POU2F1: variants seen among roughly 807,000 people sequenced by gnomAD.
The protein encoded by POU2F1 is POU domain, class 2, transcription factor 1.
In POU2F1, 16 loss-of-function variants were observed where a neutral mutation model predicts 84.9. The observed-to-expected ratio is 0.19, with a 90% confidence interval of 0.13 to 0.29. The LOEUF (loss-of-function observed/expected upper bound fraction) is 0.29. Among genes scored for constraint, POU2F1 ranks in the 10% least tolerant of loss-of-function variants. The pLI is 1.00. For synonymous variants in POU2F1, 368 were observed against 368.3 expected, an observed-to-expected ratio of 1.00 and a Z score of 0.01; for missense variants, 738 against 942.6, an observed-to-expected ratio of 0.78 and a Z score of 2.84.
At chr1:167,260,008 A>G (rs1239879391) in intron 1 of POU2F1, among the ~76,000 whole-genome samples, 2 of 151,920 alleles carry the variant, frequency 1.3e-5, no homozygotes, top group Admixed American at 1.3e-4. Context: ...CCTCCCGAGT[A>G]GCTGGGACTA....
intron 2 of POU2F1, among the ~76,000 whole-genome samples, chr1:167,352,219 A>G (rs1658629906): frequency 6.6e-6 from 1 of 152,246 alleles, no homozygotes; most frequent in Admixed American, 6.5e-5. Flanking sequence ...TGCATTTCCT[A>G]TTTGAAGACG....
At position 167,425,541 on chromosome 1, in the gene POU2F1, A is replaced by G. The variant is rs1650902402; in HGVS notation, c.*9731A>G. The G allele has an allele frequency of 6.6e-6, 1 of 152,436 alleles. No individual in the cohort carries two copies. Among genetic ancestry groups the G allele is most frequent in the Non-Finnish European group, 1.5e-5 (1 of 68,258 alleles). 9.4% of individuals were successfully genotyped at this position (152,436 alleles called of 1,614,324 possible). Reference sequence around the variant, plus strand: ...ACAAATTGGCATTTCAGATTTTCCAAAACAAAAGTCAAAAAACCCCATCAC... The same window carrying G: ...ACAAATTGGCATTTCAGATTTTCCAGAACAAAAGTCAAAAAACCCCATCAC... On this transcript the variant is annotated 3_prime_UTR_variant, in exon 16 of 16. Transcript: ENST00000367866.
rs999124701 is a variant in POU2F1, at chr1:167,419,503, G to A, written c.*3693G>A. The A allele has an allele frequency of 1.3e-5, 2 of 152,176 alleles. No homozygotes were observed. The highest frequency in any genetic ancestry group is 2.9e-5 in the Non-Finnish European group (2 of 68,032). The allele number at this position is 152,176 out of a possible 1,614,324, so 9.4% of individuals were successfully genotyped here. On this transcript the variant is annotated 3_prime_UTR_variant, in exon 16 of 16. Transcript: ENST00000367866. The stretch of plus-strand genomic sequence containing the variant: ...GTGTGAATCCTGCTTATCACAAGTG[G>A]TGCAATTTGGTCATAAACTTTATTT...
At position 167,412,085 on chromosome 1, in the gene POU2F1, C is replaced by T; in HGVS notation, c.1682C>T (p.Ser561Phe). 1 of 1,614,216 alleles carries T rather than the reference C, an allele frequency of 6.2e-7. No homozygotes were observed. The highest frequency in any genetic ancestry group is 1.3e-5 in the African/African-American group (1 of 75,062). Residue 561 changes from serine (S) to phenylalanine (F), a missense_variant, in exon 14 of 16, where the codon TCC (serine) becomes TTC (phenylalanine). Physicochemically the swap from Ser to Phe is radical, Grantham distance 155. Coordinates refer to ENST00000367866, the MANE Select transcript of POU2F1 (RefSeq NM_002697.4). The stretch of plus-strand genomic sequence containing the variant: ...GCCTCAGCCTCCACCTCCGAGGCAT[C>T]CAGTGCCAGTGAGACCAGCACAACA... Reference protein sequence around the residue: ...PSASASTSEASSASETSTTQT... With the variant: ...PSASASTSEAFSASETSTTQT...
Position 167,398,093 on chromosome 1 carries a change from A to G in POU2F1, c.1229A>G (p.Glu410Gly). 1 of 1,614,134 alleles carries G rather than the reference A, an allele frequency of 6.2e-7. No homozygotes were observed. The highest frequency in any genetic ancestry group is 8.5e-7 in the Non-Finnish European group (1 of 1,179,996). The change falls in exon 11 of 16, where the codon GAG (glutamate) becomes GGG (glycine). Residue 410 changes from glutamate to glycine, a missense_variant. By Grantham distance (98) the Glu-to-Gly change is moderately conservative. Around this residue, in one of 4 missense-constraint regions of POU2F1, gnomAD observed 95 missense variants for 195.1 expected, o/e 0.49. Coordinates refer to ENST00000367866, the MANE Select transcript of POU2F1 (RefSeq NM_002697.4). ...AGGAGGAAGAAACGCACCAGCATAG[A>G]GACCAACATCCGTGTGGCCTTAGAG... ...SRRRKKRTSI[E>G]TNIRVALEKS... is the part of the protein sequence containing the mutation.
chr1:167,323,914 A>C (rs1656507640), intron 1 of POU2F1, among the ~76,000 whole-genome samples: 1 of 152,140 alleles, frequency 6.6e-6, no homozygotes, highest in Non-Finnish European at 1.5e-5. Flanking sequence ...GCTAATCTCG[A>C]ACTCCAGAGC....
At chr1:167,316,866 T>TA (rs1157682622) in intron 1 of POU2F1, among the ~76,000 whole-genome samples, 1 of 152,202 alleles carries the variant, frequency 6.6e-6, no homozygotes, top group African/African-American at 2.4e-5. Context: ...ACTCACATTT[T>TA]ATTTGTTGAA....
chr1:167,280,802 A>G (rs4656535), intron 1 of POU2F1, among the ~76,000 whole-genome samples: 60,222 of 151,910 alleles, frequency 0.4, 14,633 homozygotes, highest in East Asian at 0.69. Context: ...TAATTGTGCT[A>G]AAGTATCAGC....
At chr1:167,397,956 C>G (rs7524019) in intron 10 of POU2F1, 38 bp from the exon 11 acceptor site, 2 of 1,581,158 alleles carry the variant, frequency 1.3e-6, no homozygotes, top group Non-Finnish European at 1.7e-6. Flanking sequence ...TCACTGTGCT[C>G]AGCTAATTTT....
At position 167,295,748 on chromosome 1, in the gene POU2F1, G is replaced by C. The variant is rs115918311; in HGVS notation, c.62-36722G>C. On this transcript the variant is annotated intron_variant, in intron 1 of 15. Coordinates refer to ENST00000367866, the MANE Select transcript of POU2F1 (RefSeq NM_002697.4). ...ATTTCTCTTAATGTTCTACTAAGTT[G>C]GTTGCTTGGTGTTATCATAACCAGT... Among the ~76,000 whole-genome samples, 800 of 152,298 alleles carry C rather than the reference G, an allele frequency of 5.3e-3. 8 individuals are homozygous for C. The highest frequency in any genetic ancestry group is 0.018 in the African/African-American group (741 of 41,562).
At chr1:167,319,710 A>C (rs1656174520) in intron 1 of POU2F1, among the ~76,000 whole-genome samples, 1 of 151,894 alleles carries the variant, frequency 6.6e-6, no homozygotes, top group Non-Finnish European at 1.5e-5. Flanking sequence ...CCTGATTGGC[A>C]TGTAGCCCAG....
intron 15 of POU2F1, among the ~76,000 whole-genome samples, chr1:167,415,156 G>T (rs879427156): frequency 3.9e-5 from 6 of 152,174 alleles, no homozygotes; most frequent in Non-Finnish European, 1.5e-5. Flanking sequence ...CTTCATTAAA[G>T]ACAAAATTAT....
chr1:167,343,161 G>A (rs1483738847), intron 2 of POU2F1, among the ~76,000 whole-genome samples: 1 of 152,136 alleles, frequency 6.6e-6, no homozygotes, highest in Non-Finnish European at 1.5e-5. Flanking sequence ...TCAGGGGTGG[G>A]GGTCAAGGGG....
rs1316589998 is a variant in POU2F1 at position 167,365,452 on chromosome 1, T to C, written c.128-15T>C. 2.0e-5 allele frequency: 30 copies of C among 1,529,104 alleles called. No homozygotes were observed. The highest frequency in any genetic ancestry group is 2.6e-5 in the Non-Finnish European group (30 of 1,133,632). 94.7% of individuals were successfully genotyped at this position (1,529,104 alleles called of 1,614,324 possible). A position where few individuals can be genotyped will look rare whatever the true frequency, so the allele number is the denominator to read the frequency against. On this transcript the variant is annotated splice_polypyrimidine_tract_variant and intron_variant, in intron 2 of 15. Transcript: ENST00000367866. ...ATTTCTTTTAATAGTTGAAATTATT[T>C]TGCTTGCTTTCTAGGCACACAAACC...
chr1:167,312,003 C>T (rs562111803), intron 1 of POU2F1, among the ~76,000 whole-genome samples: 3 of 151,784 alleles, frequency 2.0e-5, no homozygotes, highest in Admixed American at 1.3e-4. Context: ...GGCGCACTCT[C>T]GGCTCACTGC....
chr1:167,337,683 C>A (rs1393823769), intron 2 of POU2F1, among the ~76,000 whole-genome samples: 3 of 150,156 alleles, frequency 2.0e-5, no homozygotes, highest in Non-Finnish European at 3.0e-5. Flanking sequence ...ACCCTCACCC[C>A]ACCCCCTGCA....
intron 13 of POU2F1, 72 bp downstream of exon 13, chr1:167,401,628 C>A: frequency 2.1e-6 from 2 of 936,836 alleles, no homozygotes; most frequent in East Asian, 3.1e-5. Flanking sequence ...AAGAGTCTAC[C>A]ATTAAATTGT....
chr1:167,299,707 T>TTTTTTTTTTTTC (rs1553204489), intron 1 of POU2F1, among the ~76,000 whole-genome samples: 16 of 150,986 alleles, frequency 1.1e-4, no homozygotes, highest in African/African-American at 3.2e-4. Context: ...TTTTTTTTTT[T>TTTTTTTTTTTTC]CATTTTATTT....
intron 1 of POU2F1, among the ~76,000 whole-genome samples, chr1:167,291,376 C>T (rs745968696): frequency 6.6e-6 from 1 of 152,182 alleles, no homozygotes; most frequent in Non-Finnish European, 1.5e-5. Flanking sequence ...TGATATAGGA[C>T]AGCGGTGCTT....
Sources: allele counts gnomAD v4.1 joint callset (sites outside exome capture counted in the v4.1 genomes callset), GRCh38; gene constraint gnomAD v4.1.1; regional missense constraint gnomAD v4.1.1; transcripts MANE v1.5; gene names NCBI Gene and HGNC (gene_info 2026-07-23, HGNC 2026-07-21).